The following TNRC18 variants were observed in gnomAD, a reference collection of about 807,000 sequenced individuals.
TNRC18 encodes trinucleotide repeat containing 18.
In TNRC18, 69 loss-of-function variants were observed where a neutral mutation model predicts 226.7. The ratio of observed to expected loss-of-function variants is 0.30; its 90% CI spans 0.25 to 0.37. The LOEUF (loss-of-function observed/expected upper bound fraction) is 0.37, where lower values mean the gene tolerates loss of function less well. Among genes scored for constraint, TNRC18 ranks in the 10% least tolerant of loss-of-function variants. The pLI is 1.00. For synonymous variants in TNRC18, 2,449 were observed against 1,927.6 expected, an observed-to-expected ratio of 1.27 and a Z score of -7.09; for missense variants, 4,754 against 4,256.6, an observed-to-expected ratio of 1.12 and a Z score of -3.25.
At chr7:5,350,144 G>A (rs1312106045) in intron 17 of TNRC18, among the ~76,000 whole-genome samples, 1 of 152,134 alleles carries the variant, frequency 6.6e-6, no homozygotes, top group Non-Finnish European at 1.5e-5. Context: ...AGGAGGCCGG[G>A]GAGGGAGAAG....
rs1328452701 is a variant in TNRC18, at chr7:5,309,474, A to G, written c.8389-106T>C. On this transcript the variant is annotated intron_variant, in intron 27 of 29. Transcript: ENST00000430969. The surrounding 1 kb of genome is among the most constrained non-coding windows in gnomAD (Gnocchi z 5.7). ...ACTCTGGGCCCTCGGCCTCTAAATC[A>G]ACCCCTATCCAACTGTGGGGAGATG... 2 of 938,240 alleles carry G rather than the reference A, an allele frequency of 2.1e-6. No individual in the cohort carries two copies. Among genetic ancestry groups the G allele is most frequent in the African/African-American group, 3.3e-5 (2 of 60,276 alleles). The allele number at this position is 938,240 out of a possible 1,614,324, so 58.1% of individuals were successfully genotyped here. A position where few individuals can be genotyped will look rare whatever the true frequency, so the allele number is the denominator to read the frequency against.
chr7:5,320,480 T>A, intron 23 of TNRC18, 52 bp downstream of exon 23: 2 of 1,569,108 alleles, frequency 1.3e-6, no homozygotes, highest in Non-Finnish European at 1.7e-6. Flanking sequence ...GCCATGGCCT[T>A]GGACACCCAG....
intron 12 of TNRC18, 35 bp downstream of exon 12, chr7:5,362,615 C>T (rs755537049): frequency 1.3e-5 from 19 of 1,503,552 alleles, no homozygotes; most frequent in African/African-American, 2.8e-5. Flanking sequence ...CAGCCTCCCC[C>T]GCGGACCCCA....
At chr7:5,382,133 C>T (rs1779438647) in intron 5 of TNRC18, among the ~76,000 whole-genome samples, 1 of 152,182 alleles carries the variant, frequency 6.6e-6, no homozygotes, top group Admixed American at 6.5e-5. Flanking sequence ...CCCTATCTTC[C>T]AGATGAGGAA....
Position 5,345,659 on chromosome 7 carries a change from G to A in TNRC18, c.5622C>T (p.Ser1874=), listed in dbSNP as rs532540438. The change falls in exon 18 of 30, where the codon AGC becomes AGT. Residue 1874 remains serine, a synonymous_variant. Transcript: ENST00000430969. ...GACCCACCGTGGGGCTGGGGAGGGCGCTGGCGGCGAAGCGTGCCAGCAGGC... is the reference window on the plus strand; with the variant it reads ...GACCCACCGTGGGGCTGGGGAGGGCACTGGCGGCGAAGCGTGCCAGCAGGC... ...GLGLLARFAA[S]ALPSPTVGPS... is the part of the protein sequence containing the mutation. The A allele has an allele frequency of 1.4e-5, 21 of 1,553,478 alleles. No individual in the cohort carries two copies. The highest frequency in any genetic ancestry group is 2.4e-5 in the East Asian group (1 of 41,198).
At chr7:5,342,298 G>A (rs373003986) in intron 18 of TNRC18, among the ~76,000 whole-genome samples, 35 of 152,104 alleles carry the variant, frequency 2.3e-4, no homozygotes, top group Non-Finnish European at 4.3e-4. Flanking sequence ...GTGTGGTGGC[G>A]GGCACTTGTA....
rs1436985937 is a variant in TNRC18, at chr7:5,388,965, C to T, written c.859G>A (p.Gly287Ser). The change falls in exon 5 of 30, where the codon GGC becomes AGC. Residue 287 changes from glycine (G) to serine (S), a missense_variant. Transcript: ENST00000430969. ...GCGGGCAGCCCCACGTCCCCGGCGCCGCCGTTGCACATGGTCAGTACCGAC... is the reference window on the plus strand; with the variant it reads ...GCGGGCAGCCCCACGTCCCCGGCGCTGCCGTTGCACATGGTCAGTACCGAC... ...QPSVLTMCNGGAGDVGLPALV... is the reference protein window; with the variant it reads ...QPSVLTMCNGSAGDVGLPALV... 1 of 1,388,430 alleles carries T rather than the reference C, an allele frequency of 7.2e-7. No individual in the cohort carries two copies. 86.0% of individuals were successfully genotyped at this position (1,388,430 alleles called of 1,614,324 possible).
chr7:5,414,624 G>C (rs1192054968), intron 2 of TNRC18, among the ~76,000 whole-genome samples: 1 of 152,048 alleles, frequency 6.6e-6, no homozygotes, highest in African/African-American at 2.4e-5. Context: ...ATGTTATCCA[G>C]GATGGTCTCG....
rs575038896 is a variant in TNRC18, at chr7:5,360,039, G to A, written c.4662-470C>T. On this transcript the variant is annotated intron_variant, in intron 14 of 29. Coordinates refer to ENST00000430969, the MANE Select transcript of TNRC18 (RefSeq NM_001080495.3). ...CTTGCTGGTCTCTGGAATCCCGTGC[G>A]CAGTGGGGACACAGACATGGCTTAG... Among the ~76,000 whole-genome samples the A allele has an allele frequency of 1.3e-4, 20 of 151,602 alleles. 1 individual carries two copies. The East Asian group carries it at 3.5e-3, about 26-fold the overall frequency.
intron 10 of TNRC18, among the ~76,000 whole-genome samples, chr7:5,372,108 C>A (rs1794211312): frequency 1.3e-5 from 2 of 151,972 alleles, no homozygotes; most frequent in South Asian, 2.1e-4. Flanking sequence ...CGCTCTGTCA[C>A]CCAGACTGGA....
intron 19 of TNRC18, among the ~76,000 whole-genome samples, chr7:5,329,276 C>G (rs1789260478): frequency 6.6e-6 from 1 of 150,610 alleles, no homozygotes; most frequent in Non-Finnish European, 1.5e-5. Context: ...GTACTCCAGT[C>G]TGGGCAGTAG....
intron 27 of TNRC18, among the ~76,000 whole-genome samples, chr7:5,311,158 CTGTA>C (rs1464516076): frequency 2.6e-5 from 4 of 152,138 alleles, no homozygotes; most frequent in South Asian, 2.1e-4. Flanking sequence ...TTGTGTGTGG[CTGTA>C]TGTGCATTCA....
At position 5,330,255 on chromosome 7, in the gene TNRC18, T is replaced by C. The variant is rs575926887; in HGVS notation, c.6147+2367A>G. ...CCTTTTTCTTTATTTTGAGACAGAG[T>C]TGTGGGTTCTGTTGCCTAGGCTGGA... On this transcript the variant is annotated intron_variant, in intron 19 of 29. Coordinates refer to ENST00000430969, the MANE Select transcript of TNRC18 (RefSeq NM_001080495.3). Among the ~76,000 whole-genome samples the C allele has an allele frequency of 2.6e-5, 4 of 151,968 alleles. No homozygotes were observed. In the South Asian group the frequency reaches 6.2e-4, roughly 24 times the overall value.
chr7:5,407,941 G>A (rs1426540338), intron 2 of TNRC18, among the ~76,000 whole-genome samples: 7 of 152,222 alleles, frequency 4.6e-5, no homozygotes, highest in Non-Finnish European at 1.0e-4. Context: ...CCCAGGCAAA[G>A]TAGCAAGAGA....
rs1394375269 is a variant in TNRC18 at position 5,314,863 on chromosome 7, G to A, written c.7027+121C>T. On this transcript the variant is annotated intron_variant, in intron 26 of 29. Coordinates refer to ENST00000430969, the MANE Select transcript of TNRC18 (RefSeq NM_001080495.3). ...GCTGGGATTACAGGTGTGAGGCACT[G>A]CACCCGGCTCAGAGTTCTTACAGAC... 9.7e-6 allele frequency: 11 copies of A among 1,139,368 alleles called. No homozygotes were observed. The East Asian group carries it at 2.6e-4, about 27-fold the overall frequency. 70.6% of individuals were successfully genotyped at this position (1,139,368 alleles called of 1,614,324 possible). A position where few individuals can be genotyped will look rare whatever the true frequency, so the allele number is the denominator to read the frequency against.
intron 8 of TNRC18, among the ~76,000 whole-genome samples, chr7:5,376,478 G>C (rs549159547): frequency 6.6e-6 from 1 of 152,312 alleles, no homozygotes; most frequent in South Asian, 2.1e-4. Flanking sequence ...CGCAACCAGA[G>C]CAGGTCAGCA....
At chr7:5,395,929 G>A (rs1372613164) in intron 2 of TNRC18, among the ~76,000 whole-genome samples, 26 of 151,866 alleles carry the variant, frequency 1.7e-4, no homozygotes, top group African/African-American at 4.1e-4. Context: ...GCTGGGAGGC[G>A]GAGGTTGCAG....
Position 5,370,694 on chromosome 7 carries a change from G to A in TNRC18, c.3900C>T (p.Ala1300=), listed in dbSNP as rs753978623. ...TLEMSDCDVP[A]GEGQCPSLEP... ...CCAGGCTCGGGCACTGTCCCTCCCC[G>A]GCGGGCACGTCACAGTCTGACATTT... The change falls in exon 11 of 30, where the codon GCC becomes GCT. Residue 1300 remains alanine (A), a synonymous_variant. Transcript: ENST00000430969. The A allele has an allele frequency of 3.5e-5, 56 of 1,611,058 alleles. No individual in the cohort carries two copies. The highest frequency in any genetic ancestry group is 2.7e-4 in the Admixed American group (16 of 59,720).
rs1562493794 is a variant in TNRC18, at chr7:5,324,964, G to A, written c.6300+132C>T. 23 of 1,099,936 alleles carry A rather than the reference G, an allele frequency of 2.1e-5. No individual in the cohort carries two copies. The highest frequency in any genetic ancestry group is 2.7e-5 in the Non-Finnish European group (21 of 792,270). The allele number at this position is 1,099,936 out of a possible 1,614,324, so 68.1% of individuals were successfully genotyped here. A position where few individuals can be genotyped will look rare whatever the true frequency, so the allele number is the denominator to read the frequency against. ...GTGTGGGGACGGCCACATCACCCTC[G>A]TCACCCGCAACCTCTCTGAGCCACA... On this transcript the variant is annotated intron_variant, in intron 20 of 29. Coordinates refer to ENST00000430969, the MANE Select transcript of TNRC18 (RefSeq NM_001080495.3). The surrounding 1 kb of genome is among the most constrained non-coding windows in gnomAD (Gnocchi z 4.8).
Sources: allele counts gnomAD v4.1 joint callset (sites outside exome capture counted in the v4.1 genomes callset), GRCh38; gene constraint gnomAD v4.1.1; non-coding constraint Gnocchi (gnomAD v3.1); transcripts MANE v1.5; gene names NCBI Gene and HGNC (gene_info 2026-07-23, HGNC 2026-07-21).